NR5A2: variants seen among roughly 807,000 people sequenced by gnomAD.
NR5A2 encodes nuclear receptor subfamily 5 group A member 2, also known as CYP7A promoter-binding factor.
Under a neutral mutation model 62.7 loss-of-function variants are expected in NR5A2, and 26 were observed. The observed-to-expected ratio is 0.41, with a 90% CI of 0.30 to 0.58. NR5A2 has a LOEUF of 0.58. Among genes scored for constraint, NR5A2 ranks in the 20% least tolerant of loss-of-function variants. NR5A2 has a pLI of 0.22. For missense variants in NR5A2, 541 were observed against 669.1 expected (o/e 0.81, Z 2.11); for synonymous variants, 246 against 241.7 (o/e 1.02, Z -0.16).
intron 5 of NR5A2, among the ~76,000 whole-genome samples, chr1:200,101,411 G>A (rs1175346560): frequency 6.6e-6 from 1 of 152,066 alleles, no homozygotes; most frequent in African/African-American, 2.4e-5. Flanking sequence ...AAAAATCAGG[G>A]GCTAGGTAGG....
At chr1:200,107,094 G>A (rs1163534801) in intron 5 of NR5A2, among the ~76,000 whole-genome samples, 1 of 152,212 alleles carries the variant, frequency 6.6e-6, no homozygotes, top group Non-Finnish European at 1.5e-5. Flanking sequence ...AGCTGTGGGT[G>A]CAGACCTGCA....
chr1:200,047,396 T>C (rs1163969682), intron 4 of NR5A2, among the ~76,000 whole-genome samples: 4 of 152,186 alleles, frequency 2.6e-5, no homozygotes, highest in Admixed American at 6.5e-5. Flanking sequence ...AAAATGGCTT[T>C]CAGGGAGGAA....
At chr1:200,051,629 C>A (rs1457924688) in intron 5 of NR5A2, among the ~76,000 whole-genome samples, 13 of 152,118 alleles carry the variant, frequency 8.5e-5, no homozygotes, top group Non-Finnish European at 2.9e-5. Context: ...CACAGTTTGC[C>A]TTGGGCTTAC....
intron 7 of NR5A2, among the ~76,000 whole-genome samples, chr1:200,142,071 TCC>T (rs1667464944): frequency 6.6e-6 from 1 of 152,102 alleles, no homozygotes; most frequent in African/African-American, 2.4e-5. Context: ...TAAGCTTTTT[TCC>T]CCCTTTTATC....
intron 5 of NR5A2, among the ~76,000 whole-genome samples, chr1:200,060,093 G>T (rs1663128880): frequency 6.6e-6 from 1 of 152,126 alleles, no homozygotes; most frequent in Non-Finnish European, 1.5e-5. Flanking sequence ...GCTTCATGGG[G>T]CACACTAACC....
intron 7 of NR5A2, among the ~76,000 whole-genome samples, chr1:200,150,442 T>C (rs567156800): frequency 1.3e-5 from 2 of 152,346 alleles, no homozygotes; most frequent in Non-Finnish European, 2.9e-5. Flanking sequence ...TGATTATCAG[T>C]ACCACTTAGA....
chr1:200,092,829 T>C (rs16845977), intron 5 of NR5A2, among the ~76,000 whole-genome samples: 2,606 of 151,584 alleles, frequency 0.017, 86 homozygotes, highest in African/African-American at 0.06. Context: ...TACAGGCAGA[T>C]GACTTGCTTT....
chr1:200,109,188 G>A (rs554846927), intron 5 of NR5A2, among the ~76,000 whole-genome samples: 1 of 152,314 alleles, frequency 6.6e-6, no homozygotes, highest in East Asian at 1.9e-4. Flanking sequence ...GAATGTAACT[G>A]TTTTGGTCAG....
rs61819900 is a variant in NR5A2, at chr1:200,038,782, G to T, written c.65-876G>T. 2.6e-3 allele frequency: 3,445 copies of T among 1,337,554 alleles called. 9 individuals are homozygous for T. The highest frequency in any genetic ancestry group is 3.2e-3 in the Non-Finnish European group (3,185 of 1,007,512). The allele number at this position is 1,337,554 out of a possible 1,614,324, so 82.9% of individuals were successfully genotyped here. ...TCGCTTCTGACTAGCTGTAAGACCC[G>T]GCTGCATTTACATCCCCCCGCCCCG... On this transcript the variant is annotated intron_variant, in intron 1 of 7. Transcript: ENST00000367362.
intron 7 of NR5A2, 24 bp downstream of exon 7, chr1:200,120,979 G>C: frequency 6.2e-7 from 1 of 1,612,990 alleles, no homozygotes; most frequent in East Asian, 2.2e-5. Flanking sequence ...TTCTCATGCT[G>C]TGCTCAACCA....
At chr1:200,064,111 C>T (rs991446368) in intron 5 of NR5A2, among the ~76,000 whole-genome samples, 8 of 151,086 alleles carry the variant, frequency 5.3e-5, no homozygotes, top group Non-Finnish European at 7.4e-5. Context: ...ATTGCACCAT[C>T]GCGCTCCAGC....
chr1:200,143,392 T>G (rs998524211), intron 7 of NR5A2, among the ~76,000 whole-genome samples: 1 of 152,152 alleles, frequency 6.6e-6, no homozygotes, highest in African/African-American at 2.4e-5. Flanking sequence ...TTACCAAATC[T>G]ATAGCTTGGG....
At chr1:200,102,305 A>G (rs1665411185) in intron 5 of NR5A2, among the ~76,000 whole-genome samples, 1 of 152,274 alleles carries the variant, frequency 6.6e-6, no homozygotes, top group East Asian at 1.9e-4. Flanking sequence ...GTTCCCAATG[A>G]CTTGTCATGG....
chr1:200,117,795 C>T (rs1401498117), intron 6 of NR5A2, among the ~76,000 whole-genome samples: 1 of 151,896 alleles, frequency 6.6e-6, no homozygotes, highest in Non-Finnish European at 1.5e-5. Context: ...CTCACTGCAA[C>T]CTCCGCCTCC....
At chr1:200,095,699 C>A (rs972268419) in intron 5 of NR5A2, among the ~76,000 whole-genome samples, 1 of 143,142 alleles carries the variant, frequency 7.0e-6, no homozygotes, top group Non-Finnish European at 1.5e-5. Context: ...ACTACAGGCA[C>A]CCGCCACCAT....
chr1:200,119,312 A>C (rs1371289146), intron 6 of NR5A2, among the ~76,000 whole-genome samples: 1 of 152,238 alleles, frequency 6.6e-6, no homozygotes, highest in Non-Finnish European at 1.5e-5. Flanking sequence ...AAGCAAGTGC[A>C]GTCAATTATG....
chr1:200,083,967 A>AAATAATAATAATAAT lies in NR5A2; in HGVS notation c.1111-27208_1111-27194dup, dbSNP rs149200240. On this transcript the variant is annotated intron_variant, in intron 5 of 7. Transcript: ENST00000367362. The stretch of plus-strand genomic sequence containing the variant: ...GCAACAAGAGCGAAACTCCATCTCA[A>AAATAATAATAATAAT]AATAATAATAATAATAATAATAATA... Among the ~76,000 whole-genome samples, 14 of 142,724 alleles carry AAATAATAATAATAAT rather than the reference A, an allele frequency of 9.8e-5. 1 individual carries two copies. The highest frequency in any genetic ancestry group is 3.6e-4 in the Admixed American group (5 of 14,070). 93.6% of individuals were successfully genotyped at this position (142,724 alleles called of 152,430 possible).
intron 5 of NR5A2, among the ~76,000 whole-genome samples, chr1:200,055,451 A>C (rs1662871975): frequency 6.6e-6 from 1 of 152,130 alleles, no homozygotes; most frequent in African/African-American, 2.4e-5. Flanking sequence ...TAGCCTCGGC[A>C]TCCCAAAGTT....
chr1:200,117,866 A>G (rs1027810846), intron 6 of NR5A2, among the ~76,000 whole-genome samples: 5 of 151,884 alleles, frequency 3.3e-5, no homozygotes, highest in African/African-American at 4.8e-5. Flanking sequence ...GGCACTTGCC[A>G]CCACGCCTGG....
Sources: gnomAD v4.1 joint callset for allele counts (sites outside exome capture counted in the v4.1 genomes callset) on GRCh38, gnomAD v4.1.1 for gene constraint, MANE v1.5 for transcripts, NCBI Gene and HGNC (gene_info 2026-07-23, HGNC 2026-07-21) for gene names.